The following MTCP1 variants were observed in gnomAD, a reference collection of about 807,000 sequenced individuals.
MTCP1 encodes the protein mature T cell proliferation 1.
Under a neutral mutation model 10.6 loss-of-function variants are expected in MTCP1, and 2 were observed. The ratio of observed to expected loss-of-function variants is 0.19; its 90% CI spans 0.08 to 0.59. The LOEUF (loss-of-function observed/expected upper bound fraction) is 0.59, where lower values mean the gene tolerates loss of function less well. MTCP1 is among the 20% of genes least tolerant of loss of function. MTCP1 has a pLI of 0.90. For synonymous variants in MTCP1, 29 were observed against 34.4 expected (o/e 0.84, Z 0.55); for missense variants, 33 against 91.5 (o/e 0.36, Z 2.61).
chrX:155,068,814 A>G (rs868913531), intron 1 of MTCP1, among the ~76,000 whole-genome samples: 1 of 112,684 alleles, frequency 8.9e-6, no homozygotes, highest in South Asian at 3.6e-4. Flanking sequence ...TACAAAATTC[A>G]GGACTTCTCG....
chrX:155,067,844 C>T (rs1351304569), intron 1 of MTCP1, among the ~76,000 whole-genome samples: 4 of 111,702 alleles, frequency 3.6e-5, no homozygotes, highest in Non-Finnish European at 7.5e-5. Context: ...AAAGGAACGC[C>T]ACAGTGGTTG....
In MTCP1 at chrX:155,064,399, T is replaced by C. The variant is rs1335800459; in HGVS notation, c.*1005A>G. The C allele has an allele frequency of 2.5e-5, 3 of 121,190 alleles. No homozygotes were observed. Among genetic ancestry groups the C allele is most frequent in the Non-Finnish European group, 5.1e-5 (3 of 59,202 alleles). The allele number at this position is 121,190 out of a possible 1,213,427, so 10.0% of individuals were successfully genotyped here. A position where few individuals can be genotyped will look rare whatever the true frequency, so the allele number is the denominator to read the frequency against. On this transcript the variant is annotated 3_prime_UTR_variant, in exon 5 of 5. Transcript: ENST00000369476. ...TTGAGCTTTTTTTATTACTCATATATAAAATGGGAATCATACCTACCTCAA... is the reference window on the plus strand; with the variant it reads ...TTGAGCTTTTTTTATTACTCATATACAAAATGGGAATCATACCTACCTCAA...
rs963240827 is a variant in MTCP1, at chrX:155,064,568, A to G, written c.*836T>C. The G allele has an allele frequency of 1.8e-5, 2 of 112,120 alleles. No individual in the cohort carries two copies. Among genetic ancestry groups the G allele is most frequent in the African/African-American group, 6.5e-5 (2 of 30,823 alleles). 9.2% of individuals were successfully genotyped at this position (112,120 alleles called of 1,213,427 possible). On this transcript the variant is annotated 3_prime_UTR_variant, in exon 5 of 5. Coordinates refer to ENST00000369476, the MANE Select transcript of MTCP1 (RefSeq NM_001018025.4). Reference sequence around the variant, plus strand: ...TTACTTTTAATGTATATAAACTGTTATAACTACTTTAACTCAGGAAATTCT... The same window carrying G: ...TTACTTTTAATGTATATAAACTGTTGTAACTACTTTAACTCAGGAAATTCT...
At chrX:155,069,446 G>T in intron 1 of MTCP1, among the ~76,000 whole-genome samples, 1 of 112,186 alleles carries the variant, frequency 8.9e-6, no homozygotes, top group African/African-American at 3.2e-5. Context: ...TATTAATCAT[G>T]ATAGTCTTTA....
At chrX:155,067,370 A>G in intron 1 of MTCP1, among the ~76,000 whole-genome samples, 1 of 112,166 alleles carries the variant, frequency 8.9e-6, no homozygotes, top group Non-Finnish European at 1.9e-5. Context: ...CTCAAAACTT[A>G]TGAATTATCT....
intron 1 of MTCP1, among the ~76,000 whole-genome samples, chrX:155,066,451 A>G (rs1200694102): frequency 2.7e-5 from 3 of 112,687 alleles, no homozygotes; most frequent in Non-Finnish European, 5.6e-5. Context: ...GGAAGGCAGT[A>G]TAACAGACAC....
At position 155,064,922 on chromosome X, in the gene MTCP1, A is replaced by C. The variant is rs2124212496; in HGVS notation, c.*482T>G. The C allele has an allele frequency of 8.6e-6, 1 of 116,325 alleles. No individual in the cohort carries two copies. The highest frequency in any genetic ancestry group is 3.3e-4 in the South Asian group (1 of 2,990). The allele number at this position is 116,325 out of a possible 1,213,427, so 9.6% of individuals were successfully genotyped here. A position where few individuals can be genotyped will look rare whatever the true frequency, so the allele number is the denominator to read the frequency against. On this transcript the variant is annotated 3_prime_UTR_variant, in exon 5 of 5. Coordinates refer to ENST00000369476, the MANE Select transcript of MTCP1 (RefSeq NM_001018025.4). ...CTGGGATGGGAAACACTGGAGCAAAACCTAGGATATTTACAGGATGGGAGA... is the reference window on the plus strand; with the variant it reads ...CTGGGATGGGAAACACTGGAGCAAACCCTAGGATATTTACAGGATGGGAGA...
At chrX:155,069,846 G>C (rs1019917547) in intron 1 of MTCP1, among the ~76,000 whole-genome samples, 25 of 112,211 alleles carry the variant, frequency 2.2e-4, no homozygotes, top group African/African-American at 8.1e-4. Context: ...TTTTCTTCTT[G>C]AAAGTGCCTA....
At chrX:155,069,584 G>A (rs991181109) in intron 1 of MTCP1, among the ~76,000 whole-genome samples, 3 of 112,374 alleles carry the variant, frequency 2.7e-5, no homozygotes, top group African/African-American at 9.7e-5. Flanking sequence ...GCACAGAGAA[G>A]TTAGGTAACT....
chrX:155,067,643 T>C (rs1446329396), intron 1 of MTCP1, among the ~76,000 whole-genome samples: 1 of 112,526 alleles, frequency 8.9e-6, no homozygotes, highest in Non-Finnish European at 1.9e-5. Context: ...TACTGTAGCA[T>C]TTATATTTAA....
chrX:155,069,324 C>T (rs781880307), intron 1 of MTCP1, among the ~76,000 whole-genome samples: 19 of 112,353 alleles, frequency 1.7e-4, no homozygotes, highest in Non-Finnish European at 3.4e-4. Context: ...AGAACACAGG[C>T]CCAGGCCTGT....
chrX:155,067,190 C>G (rs1193451393), intron 1 of MTCP1, among the ~76,000 whole-genome samples: 1 of 111,543 alleles, frequency 9.0e-6, no homozygotes, highest in Non-Finnish European at 1.9e-5. Flanking sequence ...CGAGAGCAAC[C>G]AGATGCTTCA....
Position 155,064,051 on chromosome X carries a change from AT to A in MTCP1, c.*1352del. ...CCAGAAAACTAAAACAAGAAAAATG[AT>A]TTTTATTTTTCTTTTTTCCATAAAG... On this transcript the variant is annotated 3_prime_UTR_variant, in exon 5 of 5. Coordinates refer to ENST00000369476, the MANE Select transcript of MTCP1 (RefSeq NM_001018025.4). The A allele has an allele frequency of 8.6e-7, 1 of 1,160,829 alleles. No homozygotes were observed. Among genetic ancestry groups the A allele is most frequent in the East Asian group, 3.0e-5 (1 of 32,967 alleles).
chrX:155,065,283 GT>G lies in MTCP1; in HGVS notation c.*120del. The G allele has an allele frequency of 2.3e-6, 1 of 441,611 alleles. No homozygotes were observed. The highest frequency in any genetic ancestry group is 4.0e-6 in the Non-Finnish European group (1 of 250,731). The allele number at this position is 441,611 out of a possible 1,213,427, so 36.4% of individuals were successfully genotyped here. A position where few individuals can be genotyped will look rare whatever the true frequency, so the allele number is the denominator to read the frequency against. On this transcript the variant is annotated 3_prime_UTR_variant, in exon 5 of 5. Coordinates refer to ENST00000369476, the MANE Select transcript of MTCP1 (RefSeq NM_001018025.4). ...TTGCTAAACTTCTGTTTCTTGAGCA[GT>G]TTTTCAACCCACTCCCTCCCCCCAG...
chrX:155,064,458 T>C lies in MTCP1; in HGVS notation c.*946A>G, dbSNP rs1379709004. 1 of 113,352 alleles carries C rather than the reference T, an allele frequency of 8.8e-6. No homozygotes were observed. Among genetic ancestry groups the C allele is most frequent in the Non-Finnish European group, 1.9e-5 (1 of 53,987 alleles). The allele number at this position is 113,352 out of a possible 1,213,427, so 9.3% of individuals were successfully genotyped here. Reference sequence around the variant, plus strand: ...CAGGAGGATTAAATGTGATAAAGTATATAAAGTACATACAATAGTGCCTGG... The same window carrying C: ...CAGGAGGATTAAATGTGATAAAGTACATAAAGTACATACAATAGTGCCTGG... On this transcript the variant is annotated 3_prime_UTR_variant, in exon 5 of 5. Coordinates refer to ENST00000369476, the MANE Select transcript of MTCP1 (RefSeq NM_001018025.4).
chrX:155,065,263 A>C lies in MTCP1; in HGVS notation c.*141T>G, dbSNP rs1557291923. On this transcript the variant is annotated 3_prime_UTR_variant, in exon 5 of 5. Coordinates refer to ENST00000369476, the MANE Select transcript of MTCP1 (RefSeq NM_001018025.4). ...TGCAGTATTCTTCATGACCCTTGCT[A>C]AACTTCTGTTTCTTGAGCAGTTTTT... 2.3e-6 allele frequency: 1 copy of C among 432,912 alleles called. No individual in the cohort carries two copies. Among genetic ancestry groups the C allele is most frequent in the Non-Finnish European group, 4.1e-6 (1 of 246,340 alleles). The allele number at this position is 432,912 out of a possible 1,213,427, so 35.7% of individuals were successfully genotyped here.
rs2073942671 is a variant in MTCP1, at chrX:155,064,847, T to G, written c.*557A>C. 8.9e-6 allele frequency: 1 copy of G among 112,456 alleles called. No homozygotes were observed. The highest frequency in any genetic ancestry group is 3.7e-4 in the South Asian group (1 of 2,738). The allele number at this position is 112,456 out of a possible 1,213,427, so 9.3% of individuals were successfully genotyped here. A position where few individuals can be genotyped will look rare whatever the true frequency, so the allele number is the denominator to read the frequency against. On this transcript the variant is annotated 3_prime_UTR_variant, in exon 5 of 5. Transcript: ENST00000369476. Reference sequence around the variant, plus strand: ...TTGTAGCTAATTTCATCAATGCATATCTCTTTTCAGAGCCCTCTAAATACT... The same window carrying G: ...TTGTAGCTAATTTCATCAATGCATAGCTCTTTTCAGAGCCCTCTAAATACT...
intron 1 of MTCP1, among the ~76,000 whole-genome samples, chrX:155,068,061 A>C (rs1199524807): frequency 8.9e-6 from 1 of 112,428 alleles, no homozygotes; most frequent in African/African-American, 3.2e-5. Context: ...TTAAATTCGG[A>C]TTTCAAGCAC....
chrX:155,065,595 A>G (rs782600306), intron 3 of MTCP1, 24 bp downstream of exon 3: 2 of 1,210,150 alleles, frequency 1.7e-6, no homozygotes, highest in Non-Finnish European at 1.1e-6. Context: ...AGTACAATGG[A>G]AAATAATTAA....
Sources: allele counts gnomAD v4.1 joint callset (sites outside exome capture counted in the v4.1 genomes callset), GRCh38; gene constraint gnomAD v4.1.1; transcripts MANE v1.5; gene names NCBI Gene and HGNC (gene_info 2026-07-23, HGNC 2026-07-21).